Variants in TENM2 observed in about 807,000 individuals in gnomAD.
TENM2 encodes the protein teneurin-2.
TENM2 carries 52 observed loss-of-function variants against 245.2 expected under a neutral mutation model. The ratio of observed to expected loss-of-function variants is 0.21; its 90% CI spans 0.17 to 0.27. The LOEUF (loss-of-function observed/expected upper bound fraction) is 0.27, where lower values mean the gene tolerates loss of function less well. Among genes scored for constraint, TENM2 ranks in the 10% least tolerant of loss-of-function variants. The pLI, the probability that TENM2 is intolerant of heterozygous loss-of-function variation, is 1.00. For missense variants in TENM2, 3,046 were observed against 3,666.8 expected (o/e 0.83, Z 4.37); for synonymous variants, 1,363 against 1,438.9 (o/e 0.95, Z 1.19).
At chr5:167,000,487 A>G in the TENM2 span, among the ~76,000 whole-genome samples, 4 of 152,176 alleles carry the variant, frequency 2.6e-5, no homozygotes, top group Non-Finnish European at 5.9e-5. Context: ...TAACTACCAA[A>G]CTTACTTGTG....
At chr5:167,412,563 A>C (rs1762963855) in intron 2 of TENM2, among the ~76,000 whole-genome samples, 1 of 152,140 alleles carries the variant, frequency 6.6e-6, no homozygotes, top group Admixed American at 6.6e-5. Context: ...TCTATTACTC[A>C]ATCTTAGAAG....
intron 9 of TENM2, among the ~76,000 whole-genome samples, chr5:168,111,649 G>T (rs1037132803): frequency 3.3e-5 from 5 of 152,100 alleles, no homozygotes; most frequent in African/African-American, 1.2e-4. Context: ...TGGGCACGGT[G>T]AGCCAGGGAG....
the TENM2 span, among the ~76,000 whole-genome samples, chr5:167,008,409 G>A: frequency 6.6e-6 from 1 of 152,274 alleles, no homozygotes; most frequent in East Asian, 1.9e-4. Flanking sequence ...GAATGTGTCT[G>A]CCTGTTTTCC....
At chr5:167,894,950 G>GA (rs1433650178) in intron 3 of TENM2, among the ~76,000 whole-genome samples, 2 of 116,242 alleles carry the variant, frequency 1.7e-5, no homozygotes, top group African/African-American at 6.3e-5. Flanking sequence ...AGGAAGGAAG[G>GA]AAGGAAGGAA....
chr5:167,167,681 G>A, the TENM2 span, among the ~76,000 whole-genome samples: 1 of 152,178 alleles, frequency 6.6e-6, no homozygotes, highest in African/African-American at 2.4e-5. Context: ...GCAGACTTCA[G>A]CCAACATATT....
chr5:167,288,154 C>T (rs1754401639), intron 1 of TENM2, among the ~76,000 whole-genome samples: 1 of 152,146 alleles, frequency 6.6e-6, no homozygotes, highest in South Asian at 2.1e-4. Flanking sequence ...GTGAATTCTG[C>T]TTTTGCATGT....
At chr5:167,605,081 A>G (rs1582518971) in intron 2 of TENM2, among the ~76,000 whole-genome samples, 1 of 152,170 alleles carries the variant, frequency 6.6e-6, no homozygotes, top group Non-Finnish European at 1.5e-5. Context: ...GCAGTGAAAG[A>G]TGAAATCTAA....
At chr5:167,373,407 T>C (rs958498528) in intron 1 of TENM2, among the ~76,000 whole-genome samples, 1 of 152,198 alleles carries the variant, frequency 6.6e-6, no homozygotes, top group African/African-American at 2.4e-5. Context: ...CTTAATGTAA[T>C]AGATATACGT....
chr5:167,926,545 C>A (rs1777776197), intron 3 of TENM2, among the ~76,000 whole-genome samples: 1 of 152,088 alleles, frequency 6.6e-6, no homozygotes, highest in African/African-American at 2.4e-5. Context: ...CATGGGGAAA[C>A]CCTGTCTCTA....
intron 23 of TENM2, among the ~76,000 whole-genome samples, chr5:168,225,270 G>A (rs557858000): frequency 3.3e-4 from 50 of 152,334 alleles, no homozygotes; most frequent in African/African-American, 1.2e-3. Flanking sequence ...TGATTGTCCA[G>A]AGGCCTAGGA....
intron 2 of TENM2, among the ~76,000 whole-genome samples, chr5:167,460,593 G>A (rs1400351226): frequency 2.3e-5 from 3 of 133,058 alleles, no homozygotes; most frequent in Non-Finnish European, 4.8e-5. Context: ...TAGAAATAAT[G>A]GCAAAACGTC....
intron 2 of TENM2, among the ~76,000 whole-genome samples, chr5:167,392,113 T>C (rs949018185): frequency 6.6e-6 from 1 of 152,138 alleles, no homozygotes; most frequent in Admixed American, 6.5e-5. Context: ...TCTTTTTTCC[T>C]TTCCATTATT....
chr5:167,101,209 T>A, the TENM2 span, among the ~76,000 whole-genome samples: 5 of 152,206 alleles, frequency 3.3e-5, no homozygotes, highest in African/African-American at 1.2e-4. Context: ...TTCCAAACGT[T>A]TTTATGACTT....
the TENM2 span, among the ~76,000 whole-genome samples, chr5:167,203,921 C>T: frequency 4.6e-5 from 7 of 151,122 alleles, no homozygotes; most frequent in Non-Finnish European, 1.0e-4. Context: ...AGGATGAAAA[C>T]GGAGGGAAGG....
intron 12 of TENM2, among the ~76,000 whole-genome samples, chr5:168,131,811 AG>A (rs1358173271): frequency 1.3e-5 from 2 of 152,310 alleles, no homozygotes; most frequent in East Asian, 3.9e-4. Flanking sequence ...AGATGAAATT[AG>A]CCACTGTGGA....
At chr5:167,234,433 T>G in the TENM2 span, among the ~76,000 whole-genome samples, 1 of 152,190 alleles carries the variant, frequency 6.6e-6, no homozygotes, top group African/African-American at 2.4e-5. Context: ...GTCATAATTA[T>G]TAAATGGCCA....
intron 3 of TENM2, among the ~76,000 whole-genome samples, chr5:167,926,294 G>GCATATATAT (rs1021422553): frequency 2.6e-5 from 4 of 151,892 alleles, no homozygotes; most frequent in Non-Finnish European, 5.9e-5. Flanking sequence ...CTGTTGTTTT[G>GCATATATAT]CATATATATA....
intron 2 of TENM2, among the ~76,000 whole-genome samples, chr5:167,500,745 A>T (rs1186075852): frequency 1.3e-5 from 2 of 152,064 alleles, no homozygotes; most frequent in Admixed American, 6.6e-5. Context: ...AGAAAATGGG[A>T]TCCTCCAAAG....
chr5:167,915,051 G>A lies in TENM2; in HGVS notation c.713-37537G>A, dbSNP rs563001381. 6.6e-5 allele frequency among the ~76,000 whole-genome samples: 10 copies of A among 152,172 alleles called. No homozygotes were observed. The Middle Eastern group carries it at 0.017, about 259-fold the overall frequency. On this transcript the variant is annotated intron_variant, in intron 3 of 28. Coordinates refer to ENST00000518659, the Ensembl canonical transcript of TENM2. ...CACAATTTAACTCATAATATCATGCGAGTTAACATATTCACAGGTTCTGGA... is the reference window on the plus strand; with the variant it reads ...CACAATTTAACTCATAATATCATGCAAGTTAACATATTCACAGGTTCTGGA...
Sources: gnomAD v4.1 joint callset for allele counts (sites outside exome capture counted in the v4.1 genomes callset) on GRCh38, gnomAD v4.1.1 for gene constraint, MANE v1.5 for transcripts, NCBI Gene and HGNC (gene_info 2026-07-23, HGNC 2026-07-21) for gene names.